The following TASOR2 variants were observed in gnomAD, a reference collection of about 807,000 sequenced individuals.
TASOR2 encodes protein TASOR 2.
In TASOR2, 84 loss-of-function variants were observed where a neutral mutation model predicts 199.5. The observed-to-expected ratio is 0.42, with a 90% confidence interval of 0.35 to 0.50. The LOEUF is 0.50. TASOR2 is among the 20% of genes least tolerant of loss of function. The probability of loss-of-function intolerance (pLI) is 0.02; values close to 1 mark genes in which losing one functional copy is unlikely to be tolerated. For synonymous variants in TASOR2, 1,103 were observed against 1,046.6 expected (o/e 1.05, Z -1.04); for missense variants, 2,796 against 2,835.9 (o/e 0.99, Z 0.32).
chr10:5,697,857 GTC>G (rs1483615126), intron 1 of TASOR2, among the ~76,000 whole-genome samples: 3 of 152,276 alleles, frequency 2.0e-5, no homozygotes, highest in African/African-American at 7.2e-5. Context: ...TACAGTGACT[GTC>G]TGGTAGATGG....
At chr10:5,746,240 T>C (rs765515232) in exon 15 of TASOR2, 6 of 1,613,238 alleles carry the variant, frequency 3.7e-6, no homozygotes, top group Middle Eastern at 1.6e-4. Flanking sequence ...CTTTCGGGTA[T>C]TGGAAGTACA....
At chr10:5,763,445 CTA>C (rs932469023) in exon 21 of TASOR2, 2 of 158,898 alleles carry the variant, frequency 1.3e-5, no homozygotes, top group Admixed American at 6.5e-5. Context: ...CTTGTAAAAA[CTA>C]TAATCTTAAA....
exon 8 of TASOR2, chr10:5,724,430 T>G: frequency 6.7e-7 from 1 of 1,502,784 alleles, no homozygotes; most frequent in Non-Finnish European, 9.0e-7. Flanking sequence ...TTCTCTACAG[T>G]CTGTTTTCAA....
chr10:5,741,325 G>C (rs1836395315), intron 13 of TASOR2, among the ~76,000 whole-genome samples: 1 of 152,212 alleles, frequency 6.6e-6, no homozygotes, highest in African/African-American at 2.4e-5. Context: ...CTGTTAGCAA[G>C]CATTCATTAG....
intron 13 of TASOR2, among the ~76,000 whole-genome samples, chr10:5,741,672 GAAGA>G (rs1191179811): frequency 6.6e-6 from 1 of 152,212 alleles, no homozygotes; most frequent in Non-Finnish European, 1.5e-5. Flanking sequence ...TCAATTATTA[GAAGA>G]GAGACACAAA....
At chr10:5,727,236 C>A in intron 10 of TASOR2, 113 bp downstream of exon 11, 1 of 1,087,230 alleles carries the variant, frequency 9.2e-7, no homozygotes, top group Non-Finnish European at 1.4e-6. Context: ...CTCTTAAATA[C>A]CTCTTTTCTT....
chr10:5,721,711 A>G (rs1833379740), intron 6 of TASOR2, among the ~76,000 whole-genome samples: 1 of 152,236 alleles, frequency 6.6e-6, no homozygotes. Context: ...CAACACCATA[A>G]TAATCAACCA....
exon 11 of TASOR2, chr10:5,731,081 G>A (rs1178612886): frequency 3.1e-6 from 5 of 1,613,898 alleles, no homozygotes; most frequent in South Asian, 1.1e-5. Flanking sequence ...ATGGTGCAGA[G>A]TAAAAAGGTG....
Position 5,754,905 on chromosome 10 carries a change from G to A in TASOR2, c.6607-1708G>A, listed in dbSNP as rs1271349733. On this transcript the variant is annotated intron_variant, in intron 15 of 20. Coordinates refer to ENST00000328090, the Ensembl canonical transcript of TASOR2. The surrounding 1 kb of genome is among the most constrained non-coding windows in gnomAD (Gnocchi z 4.3). Reference sequence around the variant, plus strand: ...AAAAATACAAAAAGAAATTAGCTGGGCGTGGTGGCGGGTGCCTGTAGTCCC... The same window carrying A: ...AAAAATACAAAAAGAAATTAGCTGGACGTGGTGGCGGGTGCCTGTAGTCCC... 2.6e-5 allele frequency among the ~76,000 whole-genome samples: 4 copies of A among 151,818 alleles called. No homozygotes were observed. The highest frequency in any genetic ancestry group is 9.7e-5 in the African/African-American group (4 of 41,324).
In TASOR2 at chr10:5,752,587, C is replaced by T. The variant is rs752498297; in HGVS notation, c.6606+2560C>T. ...CCATGGGGGCTGGATTACTGAGTAACGAGTTACTTAGTAATGAAGGACACG... is the reference window on the plus strand; with the variant it reads ...CCATGGGGGCTGGATTACTGAGTAATGAGTTACTTAGTAATGAAGGACACG... On this transcript the variant is annotated intron_variant, in intron 15 of 20. Transcript: ENST00000328090. This position sits in a 1 kb window ranked among gnomAD's most constrained non-coding sequence, Gnocchi z 4.4. Among the ~76,000 whole-genome samples the T allele has an allele frequency of 1.2e-4, 18 of 152,192 alleles. No individual in the cohort carries two copies. The East Asian group carries it at 1.3e-3, about 11-fold the overall frequency.
In TASOR2 at chr10:5,752,248, A is replaced by G. The variant is rs1298625745; in HGVS notation, c.6606+2221A>G. Among the ~76,000 whole-genome samples, 1 of 152,234 alleles carries G rather than the reference A, an allele frequency of 6.6e-6. No homozygotes were observed. The highest frequency in any genetic ancestry group is 2.4e-5 in the African/African-American group (1 of 41,460). On this transcript the variant is annotated intron_variant, in intron 15 of 20. Coordinates refer to ENST00000328090, the Ensembl canonical transcript of TASOR2. The surrounding 1 kb of genome is among the most constrained non-coding windows in gnomAD (Gnocchi z 4.4). ...TGGGACAAGGAAAACACTGATTAAA[A>G]GAGTCACACAAATAAATGTGAAATG... is the stretch of plus-strand genomic sequence containing the variant.
chr10:5,743,396 G>A (rs1836704283), intron 14 of TASOR2, among the ~76,000 whole-genome samples: 1 of 152,140 alleles, frequency 6.6e-6, no homozygotes, highest in African/African-American at 2.4e-5. Flanking sequence ...AGAGTTCTAA[G>A]CCCTTCACTC....
chr10:5,690,549 GGCC>G lies in TASOR2; in HGVS notation c.-288+5375_-288+5377del. Among the ~76,000 whole-genome samples the G allele has an allele frequency of 6.6e-6, 1 of 151,998 alleles. No individual in the cohort carries two copies. The highest frequency in any genetic ancestry group is 1.5e-5 in the Non-Finnish European group (1 of 67,964). ...TGCGTGGGCTACGTGTAGAGGTGGT[GGCC>G]ATACATAGTTATCTTTATTCTGGCA... On this transcript the variant is annotated intron_variant, in intron 1 of 20. Coordinates refer to ENST00000328090, the Ensembl canonical transcript of TASOR2. This position sits in a 1 kb window ranked among gnomAD's most constrained non-coding sequence, Gnocchi z 4.8.
Position 5,730,570 on chromosome 10 carries a change from A to G in TASOR2, c.571A>G (p.Thr191Ala), listed in dbSNP as rs1204236161. 1 of 1,614,220 alleles carries G rather than the reference A, an allele frequency of 6.2e-7. No homozygotes were observed. Among genetic ancestry groups the G allele is most frequent in the Non-Finnish European group, 8.5e-7 (1 of 1,180,020 alleles). Residue 191 changes from threonine (T) to alanine (A), a missense_variant, in exon 11 of 21, where the codon ACA becomes GCA. Around this residue, in one of 3 missense-constraint regions of TASOR2, gnomAD observed 847 missense variants for 887.4 expected, o/e 0.95. Transcript: ENST00000328090. The surrounding 1 kb of genome is among the most constrained non-coding windows in gnomAD (Gnocchi z 4.1). ...TACCCTTAATTGTGCCCTGCTAGAA[A>G]CAAAGAAATCACTTCCTGAAGAAAG...
Position 5,720,499 on chromosome 10 carries a change from A to G in TASOR2, c.-99-45A>G. The G allele has an allele frequency of 6.8e-7, 1 of 1,475,656 alleles. No homozygotes were observed. The highest frequency in any genetic ancestry group is 9.0e-7 in the Non-Finnish European group (1 of 1,117,096). 91.4% of individuals were successfully genotyped at this position (1,475,656 alleles called of 1,614,324 possible). A position where few individuals can be genotyped will look rare whatever the true frequency, so the allele number is the denominator to read the frequency against. ...GTTGAGAAAAACTTGGTACATATGC[A>G]GTTCCATAGTGCTACCCTGATAATA... is the stretch of plus-strand genomic sequence containing the variant. On this transcript the variant is annotated intron_variant, in intron 3 of 20. Coordinates refer to ENST00000328090, the Ensembl canonical transcript of TASOR2. The surrounding 1 kb of genome is among the most constrained non-coding windows in gnomAD (Gnocchi z 5.3).
rs1837467698 is a variant in TASOR2 at position 5,698,918 on chromosome 10, C to G, written c.-288+13743C>G. ...ATGGTGCAGCCACTTTGAAATCAGC[C>G]TGGCAGTTTCTCAGATGAGCAGACA... is the stretch of plus-strand genomic sequence containing the variant. On this transcript the variant is annotated intron_variant, in intron 1 of 20. Transcript: ENST00000328090. The surrounding 1 kb of genome is among the most constrained non-coding windows in gnomAD (Gnocchi z 4.4). 6.6e-6 allele frequency among the ~76,000 whole-genome samples: 1 copy of G among 152,122 alleles called. No homozygotes were observed. The highest frequency in any genetic ancestry group is 1.5e-5 in the Non-Finnish European group (1 of 68,008).
At chr10:5,761,382 C>T in exon 19 of TASOR2, 1 of 1,613,948 alleles carries the variant, frequency 6.2e-7, no homozygotes, top group African/African-American at 1.3e-5. Flanking sequence ...CAGTGTGACT[C>T]TCGATCATCA....
intron 1 of TASOR2, among the ~76,000 whole-genome samples, chr10:5,691,057 G>T (rs185597115): frequency 6.6e-6 from 1 of 151,326 alleles, no homozygotes; most frequent in Non-Finnish European, 1.5e-5. Flanking sequence ...CGGGCATGAT[G>T]GTGCATGCCT....
At chr10:5,746,562 T>A in exon 15 of TASOR2, 4 of 1,614,160 alleles carry the variant, frequency 2.5e-6, no homozygotes, top group Non-Finnish European at 3.4e-6. Context: ...GTGCAGTGAT[T>A]AACCCGGAAC....
Sources: gnomAD v4.1 joint callset for allele counts (sites outside exome capture counted in the v4.1 genomes callset) on GRCh38, gnomAD v4.1.1 for gene constraint, gnomAD v4.1.1 regional missense constraint, Gnocchi (gnomAD v3.1) non-coding constraint, MANE v1.5 for transcripts, NCBI Gene and HGNC (gene_info 2026-07-23, HGNC 2026-07-21) for gene names.